Variants in SGPP2 observed in about 807,000 individuals in gnomAD.
SGPP2 encodes sphingosine 1-phosphate phosphohydrolase 2.
Under a neutral mutation model 33.9 loss-of-function variants are expected in SGPP2, and 30 were observed. The observed-to-expected ratio is 0.89, with a 90% CI of 0.66 to 1.20. SGPP2 has a LOEUF of 1.20. SGPP2 is among the 50% of genes most tolerant of loss of function. SGPP2 has a pLI of 0.00. For synonymous variants in SGPP2, 233 were observed against 225.0 expected (o/e 1.04, Z -0.32); for missense variants, 458 against 532.1 (o/e 0.86, Z 1.37).
intron 4 of SGPP2, among the ~76,000 whole-genome samples, chr2:222,545,489 C>T (rs1689170884): frequency 6.6e-6 from 1 of 152,064 alleles, no homozygotes; most frequent in Non-Finnish European, 1.5e-5. Flanking sequence ...ACCATGTTGG[C>T]CAGGATGGTC....
chr2:222,561,102 C>CT lies in SGPP2; in HGVS notation c.*2204_*2205insT, dbSNP rs1689529873. Reference sequence around the variant, plus strand: ...CCTGGGCGACAGAGCGAGACTCTCTCAAAAAAAAAAAAAAAGAATTTTTAG... The same window carrying CT: ...CCTGGGCGACAGAGCGAGACTCTCTCTAAAAAAAAAAAAAAAGAATTTTTAG... On this transcript the variant is annotated 3_prime_UTR_variant, in exon 5 of 5. Transcript: ENST00000321276. 2.9e-4 allele frequency among the ~76,000 whole-genome samples: 36 copies of CT among 122,060 alleles called. No individual in the cohort carries two copies. Among genetic ancestry groups the CT allele is most frequent in the African/African-American group, 1.1e-3 (34 of 32,380 alleles). 80.1% of individuals were successfully genotyped at this position (122,060 alleles called of 152,430 possible).
intron 2 of SGPP2, among the ~76,000 whole-genome samples, chr2:222,517,553 C>T (rs947835215): frequency 7.9e-5 from 12 of 152,224 alleles, no homozygotes; most frequent in African/African-American, 2.7e-4. Context: ...GCCCTGTGAC[C>T]TGATCCTTCC....
At chr2:222,529,329 T>G (rs890067699) in intron 4 of SGPP2, among the ~76,000 whole-genome samples, 3 of 152,120 alleles carry the variant, frequency 2.0e-5, no homozygotes, top group Admixed American at 1.3e-4. Flanking sequence ...TCTCTTGCTA[T>G]TTTATTTATT....
At chr2:222,452,328 A>C in intron 1 of SGPP2, 1 of 653,568 alleles carries the variant, frequency 1.5e-6, no homozygotes, top group Non-Finnish European at 2.8e-6. Context: ...CCTATGAGGG[A>C]GGGGAGGAGG....
chr2:222,551,165 C>G (rs1215139503), intron 4 of SGPP2, among the ~76,000 whole-genome samples: 1 of 152,158 alleles, frequency 6.6e-6, no homozygotes, highest in Non-Finnish European at 1.5e-5. Flanking sequence ...CATCTGCACT[C>G]TTTCCTCTCT....
At chr2:222,428,049 T>C (rs1210629405) in intron 1 of SGPP2, among the ~76,000 whole-genome samples, 1 of 152,190 alleles carries the variant, frequency 6.6e-6, no homozygotes, top group African/African-American at 2.4e-5. Context: ...GGAAGTCAGA[T>C]CTTTTGACTC....
rs564865377 is a variant in SGPP2 at position 222,478,522 on chromosome 2, T to C, written c.378+3796T>C. 9.9e-5 allele frequency among the ~76,000 whole-genome samples: 15 copies of C among 152,222 alleles called. No homozygotes were observed. The East Asian group carries it at 2.3e-3, about 24-fold the overall frequency. ...GGCAGCCTTTCTTCAGAAAACGATA[T>C]CCCTAAATTAGTGGCTGCTTCTTCA... On this transcript the variant is annotated intron_variant, in intron 2 of 4. Coordinates refer to ENST00000321276, the MANE Select transcript of SGPP2 (RefSeq NM_152386.4).
chr2:222,548,746 T>C (rs1035097301), intron 4 of SGPP2, among the ~76,000 whole-genome samples: 10 of 152,368 alleles, frequency 6.6e-5, no homozygotes, highest in African/African-American at 2.4e-4. Context: ...TTCTCCCCTA[T>C]ACATATGCTA....
chr2:222,520,215 G>A (rs1366495719), intron 2 of SGPP2, among the ~76,000 whole-genome samples: 1 of 152,118 alleles, frequency 6.6e-6, no homozygotes, highest in African/African-American at 2.4e-5. Context: ...GATTCTGACT[G>A]GTGTGAGGTG....
intron 1 of SGPP2, among the ~76,000 whole-genome samples, chr2:222,459,281 A>T (rs1246993593): frequency 6.6e-6 from 1 of 151,342 alleles, no homozygotes; most frequent in Non-Finnish European, 1.5e-5. Context: ...CAAGTAGCTA[A>T]GACTACAGGC....
chr2:222,433,246 A>G (rs558172113), intron 1 of SGPP2, among the ~76,000 whole-genome samples: 2 of 152,276 alleles, frequency 1.3e-5, no homozygotes, highest in Non-Finnish European at 2.9e-5. Context: ...TGGCTCAGAG[A>G]GGACCTTAGG....
chr2:222,557,961 C>T (rs3754672), intron 4 of SGPP2, among the ~76,000 whole-genome samples: 46,443 of 152,090 alleles, frequency 0.31, 7,638 homozygotes, highest in South Asian at 0.48. Flanking sequence ...TGCAGCCCAA[C>T]CCCCAGGTGG....
At chr2:222,497,064 T>C (rs1189487084) in intron 2 of SGPP2, among the ~76,000 whole-genome samples, 1 of 152,180 alleles carries the variant, frequency 6.6e-6, no homozygotes, top group Non-Finnish European at 1.5e-5. Context: ...TGGAATGGTT[T>C]CCATCTTAAT....
chr2:222,483,862 G>A (rs143102337), intron 2 of SGPP2, among the ~76,000 whole-genome samples: 3 of 152,330 alleles, frequency 2.0e-5, no homozygotes, highest in African/African-American at 7.2e-5. Context: ...TGCCCTGCTT[G>A]TTAAGTTGGT....
intron 1 of SGPP2, among the ~76,000 whole-genome samples, chr2:222,436,102 C>T (rs111616788): frequency 5.3e-5 from 8 of 152,160 alleles, no homozygotes; most frequent in African/African-American, 1.9e-4. Flanking sequence ...TAGTCTGGGT[C>T]AGTCACCCCA....
chr2:222,533,938 G>T (rs1218416678), intron 4 of SGPP2, among the ~76,000 whole-genome samples: 1 of 152,116 alleles, frequency 6.6e-6, no homozygotes, highest in Non-Finnish European at 1.5e-5. Flanking sequence ...GAACCAGCCA[G>T]GTCTGGAGCC....
chr2:222,526,158 T>C (rs1180919170), intron 4 of SGPP2, among the ~76,000 whole-genome samples: 2 of 152,192 alleles, frequency 1.3e-5, no homozygotes, highest in African/African-American at 4.8e-5. Context: ...AGATAAATCA[T>C]TTGAATGCAG....
rs1244111872 is a variant in SGPP2 at position 222,476,735 on chromosome 2, GGT to G, written c.378+2018_378+2019del. ...GTATATATATGTATGTGTGTATATA[GGT>G]GTGTGTGTATATGTATGTATATAGG... On this transcript the variant is annotated intron_variant, in intron 2 of 4. Coordinates refer to ENST00000321276, the MANE Select transcript of SGPP2 (RefSeq NM_152386.4). This position sits in a 1 kb window ranked among gnomAD's most constrained non-coding sequence, Gnocchi z 4.3. Among the ~76,000 whole-genome samples the G allele has an allele frequency of 3.3e-5, 5 of 150,198 alleles. No homozygotes were observed. The highest frequency in any genetic ancestry group is 2.2e-4 in the South Asian group (1 of 4,488).
chr2:222,468,054 A>G (rs937169733), intron 1 of SGPP2, among the ~76,000 whole-genome samples: 2 of 150,734 alleles, frequency 1.3e-5, no homozygotes, highest in African/African-American at 4.9e-5. Flanking sequence ...TAAAGACCTC[A>G]AGGTCAGAAT....
Sources: allele counts gnomAD v4.1 joint callset (sites outside exome capture counted in the v4.1 genomes callset), GRCh38; gene constraint gnomAD v4.1.1; non-coding constraint Gnocchi (gnomAD v3.1); transcripts MANE v1.5; gene names NCBI Gene and HGNC (gene_info 2026-07-23, HGNC 2026-07-21).